E2F8: variants seen among roughly 807,000 people sequenced by gnomAD.
E2F8 encodes the protein transcription factor E2F8.
Under a neutral mutation model 80.8 loss-of-function variants are expected in E2F8, and 35 were observed. That is an observed-to-expected ratio of 0.43 (90% CI 0.33 to 0.57). The LOEUF (loss-of-function observed/expected upper bound fraction) is 0.57, where lower values mean the gene tolerates loss of function less well. E2F8 is among the 20% of genes least tolerant of loss of function. E2F8 has a pLI of 0.04. For synonymous variants in E2F8, 386 were observed against 395.0 expected, an observed-to-expected ratio of 0.98 and a Z score of 0.27; for missense variants, 975 against 1,056.2, an observed-to-expected ratio of 0.92 and a Z score of 1.07.
At chr11:19,241,207 ACCCGCGCCCGGAACCACGGCAAC>A (rs1851656035), upstream of E2F8, among the ~76,000 whole-genome samples, 2 of 151,930 alleles carry the variant, frequency 1.3e-5, no homozygotes, top group Non-Finnish European at 2.9e-5. This position sits in a 1 kb window ranked among gnomAD's most constrained non-coding sequence, Gnocchi z 4.5. Context: ...GCGCGGGCAA[ACCCGCGCCCGGAACCACGGCAAC>A]CCCGCCCCTC....
chr11:19,234,611 T>C, intron 5 of E2F8, 90 bp from the exon 6 acceptor site: 2 of 1,553,588 alleles, frequency 1.3e-6, no homozygotes, highest in African/African-American at 1.4e-5. Context: ...TACCACCTGA[T>C]CATACAGCTG....
At position 19,235,071 on chromosome 11, in the gene E2F8, T is replaced by A. The variant is rs906259116; in HGVS notation, c.452-13A>T. On this transcript the variant is annotated splice_polypyrimidine_tract_variant and intron_variant, in intron 4 of 12. Transcript: ENST00000250024. ...CGACGTTCAACATCTACAAAGAATG[T>A]GCAATTGTGTGTTACAGATTTTTGT... The A allele has an allele frequency of 6.3e-7, 1 of 1,583,300 alleles. No homozygotes were observed. The highest frequency in any genetic ancestry group is 1.8e-5 in the Admixed American group (1 of 55,022).
At chr11:19,235,144 A>T in intron 4 of E2F8, 86 bp from the exon 5 acceptor site, 1 of 1,242,900 alleles carries the variant, frequency 8.0e-7, no homozygotes, top group Non-Finnish European at 1.1e-6. Context: ...TTTATTAGTC[A>T]GTAGGTCTTG....
At chr11:19,240,287 T>C (rs930098036) in intron 1 of E2F8, 57 bp from the exon 2 acceptor site, 39 of 401,876 alleles carry the variant, frequency 9.7e-5, no homozygotes, top group Non-Finnish European at 9.4e-5. Flanking sequence ...AAAAGATCTG[T>C]TGAAAATTCC....
Position 19,229,948 on chromosome 11 carries a change from C to T in E2F8, c.1399G>A (p.Gly467Arg). The change falls in exon 10 of 13, where the codon GGA becomes AGA. Residue 467 changes from glycine to arginine, a missense_variant. Physicochemically the swap from Gly to Arg is moderately radical, Grantham distance 125. Transcript: ENST00000250024. This position sits in a 1 kb window ranked among gnomAD's most constrained non-coding sequence, Gnocchi z 4.3. Reference protein sequence around the residue: ...QKVKVQLARSGPCKPVAPLDP... With the variant: ...QKVKVQLARSRPCKPVAPLDP... ...AGAGGGGCTACTGGTTTGCAGGGTCCAGATCTTGCCAGCTGTACTTTCACT... is the reference window on the plus strand; with the variant it reads ...AGAGGGGCTACTGGTTTGCAGGGTCTAGATCTTGCCAGCTGTACTTTCACT... The T allele has an allele frequency of 6.2e-7, 1 of 1,613,902 alleles. No individual in the cohort carries two copies. Among genetic ancestry groups the T allele is most frequent in the Non-Finnish European group, 8.5e-7 (1 of 1,179,962 alleles).
Position 19,229,310 on chromosome 11 carries a change from G to A in E2F8, c.1893+144C>T. ...TCCCAGCCAGGGGATTAGCTGTTGA[G>A]GGCCTCACTTGGATTATGGGATGCT... is the stretch of plus-strand genomic sequence containing the variant. On this transcript the variant is annotated intron_variant, in intron 10 of 12. Transcript: ENST00000250024. This position sits in a 1 kb window ranked among gnomAD's most constrained non-coding sequence, Gnocchi z 4.3. 9.1e-7 allele frequency: 1 copy of A among 1,104,316 alleles called. No homozygotes were observed. Among genetic ancestry groups the A allele is most frequent in the Non-Finnish European group, 1.3e-6 (1 of 772,354 alleles). The allele number at this position is 1,104,316 out of a possible 1,614,324, so 68.4% of individuals were successfully genotyped here.
At chr11:19,235,239 C>A (rs1356500458) in intron 4 of E2F8, among the ~76,000 whole-genome samples, 181 bp from the exon 5 acceptor site, 1 of 152,158 alleles carries the variant, frequency 6.6e-6, no homozygotes, top group Admixed American at 6.5e-5. Context: ...TTTCCAAGGG[C>A]ACAAATCATA....
intron 4 of E2F8, among the ~76,000 whole-genome samples, chr11:19,236,070 A>T (rs1281635693): frequency 6.6e-6 from 1 of 152,232 alleles, no homozygotes; most frequent in East Asian, 1.9e-4. Flanking sequence ...ATTTGATGAG[A>T]TCAGCCTTTC....
At position 19,230,293 on chromosome 11, in the gene E2F8, T is replaced by C. The variant is rs746150261; in HGVS notation, c.1306A>G (p.Lys436Glu). Residue 436 changes from lysine to glutamate, a missense_variant, in exon 9 of 13, where the codon AAA becomes GAA. Physicochemically the swap from Lys to Glu is moderately conservative, Grantham distance 56 (BLOSUM62 1). Transcript: ENST00000250024. ...CAAATAGCTGCGAGCTGAGCCATTT[T>C]ACTTGGGAAGGGTGCAGAATTCTGA... is the stretch of plus-strand genomic sequence containing the variant. ...SSQNSAPFPS[K>E]MAQLAAICKM... is the part of the protein sequence containing the mutation. 16 of 1,613,988 alleles carry C rather than the reference T, an allele frequency of 9.9e-6. No homozygotes were observed. Among genetic ancestry groups the C allele is most frequent in the Non-Finnish European group, 1.4e-5 (16 of 1,180,002 alleles).
chr11:19,224,684 C>T lies in E2F8; in HGVS notation c.2578G>A (p.Glu860Lys). 1.2e-6 allele frequency: 2 copies of T among 1,614,142 alleles called. No individual in the cohort carries two copies. The highest frequency in any genetic ancestry group is 1.7e-6 in the Non-Finnish European group (2 of 1,180,008). Residue 860 changes from glutamate (E) to lysine (K), a missense_variant, in exon 13 of 13, where the codon GAA becomes AAA. By Grantham distance (56) the Glu-to-Lys change is moderately conservative. Coordinates refer to ENST00000250024, the MANE Select transcript of E2F8 (RefSeq NM_024680.4). ...GTLFVPQRKLEVSTEDVH is the reference protein window; with the variant it reads ...GTLFVPQRKLKVSTEDVH ...TAATGGACATCCTCTGTTGAGACTT[C>T]CAGTTTTCGCTGTGGGACAAAGAGA... is the stretch of plus-strand genomic sequence containing the variant.
At chr11:19,232,849 T>C (rs1851416758) in intron 6 of E2F8, among the ~76,000 whole-genome samples, 1 of 152,226 alleles carries the variant, frequency 6.6e-6, no homozygotes, top group Admixed American at 6.5e-5. Flanking sequence ...TGTGTAATTT[T>C]TTAATACTGT....
At chr11:19,232,048 G>A (rs1019423620) in intron 7 of E2F8, among the ~76,000 whole-genome samples, 186 bp downstream of exon 7, 1 of 152,172 alleles carries the variant, frequency 6.6e-6, no homozygotes, top group Non-Finnish European at 1.5e-5. Context: ...GGAGCTGGAA[G>A]CCATCATCCT....
chr11:19,233,170 C>G (rs1483993099), intron 6 of E2F8, among the ~76,000 whole-genome samples: 2 of 152,124 alleles, frequency 1.3e-5, no homozygotes, highest in African/African-American at 4.8e-5. Context: ...GCAGATCTCC[C>G]GATCTCCCGA....
At position 19,230,217 on chromosome 11, in the gene E2F8, TA is replaced by T. The variant is rs773266297; in HGVS notation, c.1358+23del. On this transcript the variant is annotated intron_variant, in intron 9 of 12. Coordinates refer to ENST00000250024, the MANE Select transcript of E2F8 (RefSeq NM_024680.4). ...GTAATGTAAAAGTAATTCATCCTGT[TA>T]TTAAAGAGGATTGCCAACCTACCTT... The T allele has an allele frequency of 1.9e-6, 3 of 1,602,354 alleles. No individual in the cohort carries two copies. In the South Asian group the frequency reaches 3.4e-5, roughly 18 times the overall value.
intron 10 of E2F8, among the ~76,000 whole-genome samples, chr11:19,228,595 G>A (rs1225785755): frequency 6.6e-6 from 1 of 152,188 alleles, no homozygotes; most frequent in Non-Finnish European, 1.5e-5. Flanking sequence ...TAGGTGATGA[G>A]GAAAAACTGG....
chr11:19,226,054 C>T (rs1206580070), intron 10 of E2F8, 190 bp from the exon 11 acceptor site: 2 of 616,834 alleles, frequency 3.2e-6, no homozygotes, highest in Non-Finnish European at 5.6e-6. Flanking sequence ...CCAATGCTTG[C>T]CCCGAATAAT....
chr11:19,235,642 C>A (rs907565317), intron 4 of E2F8, among the ~76,000 whole-genome samples: 1 of 144,870 alleles, frequency 6.9e-6, no homozygotes, highest in African/African-American at 2.6e-5. Flanking sequence ...GAGCGAGACT[C>A]CGTCTCAAAA....
intron 2 of E2F8, among the ~76,000 whole-genome samples, chr11:19,239,124 T>C (rs1469632139): frequency 6.6e-6 from 1 of 152,222 alleles, no homozygotes; most frequent in Non-Finnish European, 1.5e-5. Flanking sequence ...TTTAAGAACA[T>C]GGACAAATGG....
In E2F8 at chr11:19,225,318, G is replaced by A; in HGVS notation, c.2324C>T (p.Ala775Val). The A allele has an allele frequency of 6.2e-7, 1 of 1,614,196 alleles. No individual in the cohort carries two copies. Among genetic ancestry groups the A allele is most frequent in the African/African-American group, 1.3e-5 (1 of 75,058 alleles). Residue 775 changes from alanine (A) to valine (V), a missense_variant, in exon 12 of 13, where the codon GCA (alanine) becomes GTA (valine). Ala to Val is a moderately conservative substitution (Grantham distance 64). Coordinates refer to ENST00000250024, the MANE Select transcript of E2F8 (RefSeq NM_024680.4). ...IESVNVAPEN[A>V]GTQQGRATNY... Reference sequence around the variant, plus strand: ...GGTGGCCCTTCCTTGCTGAGTGCCTGCATTTTCTGGTGCGACATTAACAGA... The same window carrying A: ...GGTGGCCCTTCCTTGCTGAGTGCCTACATTTTCTGGTGCGACATTAACAGA...
Sources: allele counts gnomAD v4.1 joint callset (sites outside exome capture counted in the v4.1 genomes callset), GRCh38; gene constraint gnomAD v4.1.1; non-coding constraint Gnocchi (gnomAD v3.1); transcripts MANE v1.5; gene names NCBI Gene and HGNC (gene_info 2026-07-23, HGNC 2026-07-21).